Variants in FOXO1 observed in about 807,000 individuals in gnomAD.
FOXO1 encodes the protein forkhead box protein O1.
FOXO1 carries 6 observed loss-of-function variants against 44.1 expected under a neutral mutation model. The ratio of observed to expected loss-of-function variants is 0.14; its 90% CI spans 0.07 to 0.27. The LOEUF is 0.27. FOXO1 is among the 10% of genes least tolerant of loss of function. The probability of loss-of-function intolerance (pLI) is 1.00; values close to 1 mark genes in which losing one functional copy is unlikely to be tolerated. For missense variants in FOXO1, 737 were observed against 888.8 expected (o/e 0.83, Z 2.17); for synonymous variants, 380 against 362.7 (o/e 1.05, Z -0.54).
chr13:40,577,828 G>C (rs954965191), intron 1 of FOXO1, among the ~76,000 whole-genome samples: 4 of 152,164 alleles, frequency 2.6e-5, no homozygotes, highest in African/African-American at 7.2e-5. Context: ...CAGAAGAGGA[G>C]AAAAGATAGA....
At chr13:40,570,039 G>A (rs567135285) in intron 1 of FOXO1, among the ~76,000 whole-genome samples, 8 of 152,206 alleles carry the variant, frequency 5.3e-5, no homozygotes, top group African/African-American at 1.7e-4. Context: ...TAGGCCAGGC[G>A]CAGTGGCTCA....
At chr13:40,563,087 T>C (rs1435957442) in intron 1 of FOXO1, among the ~76,000 whole-genome samples, 1 of 152,218 alleles carries the variant, frequency 6.6e-6, no homozygotes, top group Non-Finnish European at 1.5e-5. Flanking sequence ...CAGCTGACCA[T>C]GCCCCCTGCA....
chr13:40,604,296 A>G (rs886119571), intron 1 of FOXO1, among the ~76,000 whole-genome samples: 1 of 152,078 alleles, frequency 6.6e-6, no homozygotes, highest in African/African-American at 2.4e-5. Context: ...GTGATACTGT[A>G]TATGTATGTG....
At chr13:40,656,964 G>T (rs1877878527) in intron 1 of FOXO1, among the ~76,000 whole-genome samples, 1 of 151,934 alleles carries the variant, frequency 6.6e-6, no homozygotes, top group Non-Finnish European at 1.5e-5. Context: ...CCGAGTAGCT[G>T]TGACTACAGG....
At chr13:40,626,281 G>A (rs1324724164) in intron 1 of FOXO1, among the ~76,000 whole-genome samples, 2 of 152,212 alleles carry the variant, frequency 1.3e-5, no homozygotes, top group African/African-American at 4.8e-5. Context: ...AAGCTTAAAA[G>A]GATTCAATAT....
chr13:40,599,936 GAA>G (rs966231512), intron 1 of FOXO1, among the ~76,000 whole-genome samples: 1 of 152,192 alleles, frequency 6.6e-6, no homozygotes, highest in Admixed American at 6.5e-5. Flanking sequence ...GCAAGCCGAT[GAA>G]AAGACCAGTG....
At chr13:40,573,172 T>C (rs1336540465) in intron 1 of FOXO1, among the ~76,000 whole-genome samples, 2 of 152,212 alleles carry the variant, frequency 1.3e-5, no homozygotes, top group African/African-American at 4.8e-5. Flanking sequence ...TGCATGTTCA[T>C]GTCTGTTTGA....
chr13:40,590,325 A>G (rs1414790745), intron 1 of FOXO1, among the ~76,000 whole-genome samples: 1 of 152,188 alleles, frequency 6.6e-6, no homozygotes, highest in African/African-American at 2.4e-5. Context: ...GTACTATACT[A>G]TGGGCCAAAT....
chr13:40,566,089 C>A (rs1428020106), intron 1 of FOXO1, among the ~76,000 whole-genome samples: 1 of 152,216 alleles, frequency 6.6e-6, no homozygotes, highest in Admixed American at 6.5e-5. Flanking sequence ...CATGTGCAGG[C>A]ATCACACATT....
intron 1 of FOXO1, chr13:40,611,034 T>C (rs1294652750): frequency 2.2e-6 from 1 of 456,096 alleles, no homozygotes; most frequent in Non-Finnish European, 4.4e-6. Flanking sequence ...TTGCAAACTC[T>C]CAACTGAACG....
At chr13:40,650,676 C>T (rs12585277) in intron 1 of FOXO1, among the ~76,000 whole-genome samples, 62,797 of 152,014 alleles carry the variant, frequency 0.41, 14,191 homozygotes, top group East Asian at 0.73. Context: ...TTATTGAAGC[C>T]TGTGACAATC....
At chr13:40,645,383 T>C (rs1258020837) in intron 1 of FOXO1, among the ~76,000 whole-genome samples, 1 of 152,178 alleles carries the variant, frequency 6.6e-6, no homozygotes, top group Non-Finnish European at 1.5e-5. Context: ...GTAACTTCCA[T>C]TTAGCTCACT....
At chr13:40,652,991 CAA>C (rs1473793201) in intron 1 of FOXO1, among the ~76,000 whole-genome samples, 2 of 144,848 alleles carry the variant, frequency 1.4e-5, no homozygotes, top group Non-Finnish European at 3.1e-5. Context: ...TTCTTCAAGA[CAA>C]GAGTATTGCT....
intron 1 of FOXO1, among the ~76,000 whole-genome samples, chr13:40,659,352 A>G (rs1278945661): frequency 6.6e-6 from 1 of 151,218 alleles, no homozygotes; most frequent in Admixed American, 6.6e-5. Flanking sequence ...GAAAAGGAAG[A>G]CTTAGACACA....
chr13:40,593,823 T>C (rs932156408), intron 1 of FOXO1, among the ~76,000 whole-genome samples: 4 of 152,216 alleles, frequency 2.6e-5, no homozygotes, highest in African/African-American at 9.6e-5. Flanking sequence ...AGATATTTCA[T>C]TGGCTTTCAA....
At chr13:40,663,451 A>T (rs1878098934) in intron 1 of FOXO1, among the ~76,000 whole-genome samples, 1 of 152,246 alleles carries the variant, frequency 6.6e-6, no homozygotes, top group Admixed American at 6.5e-5. Context: ...AAGTTGAAGT[A>T]GGTTGTATCC....
chr13:40,573,692 CAAAAG>C (rs1274060220), intron 1 of FOXO1, among the ~76,000 whole-genome samples: 10 of 152,202 alleles, frequency 6.6e-5, no homozygotes, highest in East Asian at 5.8e-4. Flanking sequence ...AAGACCAAAA[CAAAAG>C]AAAACGACAA....
chr13:40,600,962 A>G (rs1355326540), intron 1 of FOXO1, among the ~76,000 whole-genome samples: 1 of 152,204 alleles, frequency 6.6e-6, no homozygotes, highest in African/African-American at 2.4e-5. Flanking sequence ...AAAGTGATGG[A>G]AAAACATAAA....
chr13:40,573,844 A>C (rs1385031247), intron 1 of FOXO1, among the ~76,000 whole-genome samples: 1 of 152,254 alleles, frequency 6.6e-6, no homozygotes, highest in Non-Finnish European at 1.5e-5. Context: ...ACACAAAGAT[A>C]ATCTTAATAA....
Sources: gnomAD v4.1 joint callset for allele counts (sites outside exome capture counted in the v4.1 genomes callset) on GRCh38, gnomAD v4.1.1 for gene constraint, MANE v1.5 for transcripts, NCBI Gene and HGNC (gene_info 2026-07-23, HGNC 2026-07-21) for gene names.